The following ABLIM1 variants were observed in gnomAD, a reference collection of about 807,000 sequenced individuals.
ABLIM1 encodes actin binding LIM protein 1.
A neutral mutation model predicts 107.0 loss-of-function variants in ABLIM1; 40 were observed. The ratio of observed to expected loss-of-function variants is 0.37; its 90% CI spans 0.29 to 0.49. The LOEUF is 0.49. Ranked by LOEUF, ABLIM1 falls within the 20% of genes least tolerant of loss-of-function variation. ABLIM1 has a pLI of 0.97. For synonymous variants in ABLIM1, 357 were observed against 357.3 expected, an observed-to-expected ratio of 1.00 and a Z score of 0.01; for missense variants, 857 against 1,008.5, an observed-to-expected ratio of 0.85 and a Z score of 2.04.
chr10:114,563,085 A>G (rs1013555170), intron 4 of ABLIM1, among the ~76,000 whole-genome samples: 2 of 152,228 alleles, frequency 1.3e-5, no homozygotes, highest in African/African-American at 2.4e-5. Context: ...TGATTTTGGA[A>G]AAGAAGACAT....
intron 19 of ABLIM1, among the ~76,000 whole-genome samples, chr10:114,440,512 C>T (rs2060035053): frequency 6.6e-6 from 1 of 151,922 alleles, no homozygotes; most frequent in Admixed American, 6.6e-5. Flanking sequence ...GTGGCATGAA[C>T]ATAGCTCACT....
chr10:114,759,429 TCC>T (rs1432110431), intron 1 of ABLIM1, among the ~76,000 whole-genome samples: 1 of 152,176 alleles, frequency 6.6e-6, no homozygotes, highest in Non-Finnish European at 1.5e-5. Flanking sequence ...ACTAAGCATT[TCC>T]TTCCCATGAT....
intron 1 of ABLIM1, among the ~76,000 whole-genome samples, chr10:114,675,997 A>G (rs1396202930): frequency 1.3e-5 from 2 of 152,128 alleles, no homozygotes; most frequent in African/African-American, 4.8e-5. Context: ...TCATGACCTC[A>G]TCTTAACTTG....
intron 1 of ABLIM1, among the ~76,000 whole-genome samples, chr10:114,652,199 A>G (rs1423564197): frequency 6.6e-6 from 1 of 152,216 alleles, no homozygotes; most frequent in Non-Finnish European, 1.5e-5. Context: ...AAAGCTCCAC[A>G]GCATCTTGAA....
chr10:114,512,563 G>C (rs191403536), intron 6 of ABLIM1, among the ~76,000 whole-genome samples: 2 of 147,878 alleles, frequency 1.4e-5, no homozygotes, highest in Non-Finnish European at 3.0e-5. Context: ...GGTGGCTCAC[G>C]CCTGTAATCC....
chr10:114,707,046 T>C lies in ABLIM1; in HGVS notation c.-213+61015A>G, dbSNP rs1355975631. 2.0e-5 allele frequency among the ~76,000 whole-genome samples: 3 copies of C among 152,232 alleles called. No homozygotes were observed. Among genetic ancestry groups the C allele is most frequent in the African/African-American group, 7.2e-5 (3 of 41,462 alleles). On this transcript the variant is annotated intron_variant, in intron 1 of 15. Coordinates refer to the ABLIM1 transcript ENST00000651092. This position sits in a 1 kb window ranked among gnomAD's most constrained non-coding sequence, Gnocchi z 4.1. ...ATGTAATTTAAATTTGTCTAGTAACTACATTAGAAAGGTAAAAAGAAACAG... is the reference window on the plus strand; with the variant it reads ...ATGTAATTTAAATTTGTCTAGTAACCACATTAGAAAGGTAAAAAGAAACAG...
intron 12 of ABLIM1, among the ~76,000 whole-genome samples, chr10:114,457,403 G>T (rs1456747703): frequency 9.9e-5 from 15 of 152,022 alleles, no homozygotes. Flanking sequence ...CCAAGTAGCT[G>T]GGATTACAGA....
chr10:114,744,150 A>C (rs2082338924), intron 1 of ABLIM1, among the ~76,000 whole-genome samples: 1 of 152,236 alleles, frequency 6.6e-6, no homozygotes, highest in Admixed American at 6.5e-5. Context: ...TCTAGGGAGA[A>C]GGCAATATAA....
At chr10:114,783,061 C>G in the ABLIM1 span, among the ~76,000 whole-genome samples, 1 of 151,944 alleles carries the variant, frequency 6.6e-6, no homozygotes, top group African/African-American at 2.4e-5. Flanking sequence ...GCAGATGGAT[C>G]ACTTGATGTC....
chr10:114,603,704 A>C (rs2076205569), intron 1 of ABLIM1, among the ~76,000 whole-genome samples: 1 of 151,844 alleles, frequency 6.6e-6, no homozygotes, highest in Non-Finnish European at 1.5e-5. Flanking sequence ...CTGTAATCCC[A>C]GCACTTTGGG....
At chr10:114,506,515 C>T (rs2061167193) in intron 6 of ABLIM1, among the ~76,000 whole-genome samples, 1 of 152,154 alleles carries the variant, frequency 6.6e-6, no homozygotes, top group African/African-American at 2.4e-5. Flanking sequence ...CTCAACTTCA[C>T]CAACATCTGT....
chr10:114,797,248 G>T, the ABLIM1 span, among the ~76,000 whole-genome samples: 1 of 152,112 alleles, frequency 6.6e-6, no homozygotes, highest in Non-Finnish European at 1.5e-5. Context: ...CATCACTTGA[G>T]CCACTTTCTG....
intron 6 of ABLIM1, among the ~76,000 whole-genome samples, chr10:114,540,045 A>G (rs2066473796): frequency 6.6e-6 from 1 of 152,230 alleles, no homozygotes. Flanking sequence ...TAATCAGCAG[A>G]AGCATTTGAA....
intron 1 of ABLIM1, among the ~76,000 whole-genome samples, chr10:114,622,201 T>C (rs1417809983): frequency 2.0e-5 from 3 of 151,930 alleles, no homozygotes; most frequent in Non-Finnish European, 2.9e-5. Context: ...GATACTCCAA[T>C]GAGGAACAAC....
the ABLIM1 span, among the ~76,000 whole-genome samples, chr10:114,788,202 C>T: frequency 2.0e-5 from 3 of 150,402 alleles, no homozygotes; most frequent in Non-Finnish European, 4.5e-5. Context: ...CGGAAGGCTG[C>T]AGGGTCCTCT....
chr10:114,435,492 T>G lies in ABLIM1; in HGVS notation c.*768A>C, dbSNP rs1043673541. ...GTGGAGCTCCAGACAGCTCCTGTCC[T>G]AGGCGGGGAGCAGGAACCAGACCTG... is the stretch of plus-strand genomic sequence containing the variant. On this transcript the variant is annotated 3_prime_UTR_variant, in exon 23 of 23. Transcript: ENST00000533213. 2 of 152,224 alleles carry G rather than the reference T, an allele frequency of 1.3e-5. No homozygotes were observed. The highest frequency in any genetic ancestry group is 6.5e-5 in the Admixed American group (1 of 15,280). 9.4% of individuals were successfully genotyped at this position (152,224 alleles called of 1,614,324 possible).
At chr10:114,739,535 A>T (rs1217642664) in intron 1 of ABLIM1, among the ~76,000 whole-genome samples, 2 of 152,214 alleles carry the variant, frequency 1.3e-5, no homozygotes, top group South Asian at 4.1e-4. Context: ...GTTTGAAAGT[A>T]TTAATTCTGG....
intron 1 of ABLIM1, among the ~76,000 whole-genome samples, chr10:114,638,094 G>C (rs1437113521): frequency 6.6e-6 from 1 of 152,178 alleles, no homozygotes; most frequent in East Asian, 1.9e-4. Context: ...CTCTCTGAGG[G>C]AAAGGGTCAC....
intron 10 of ABLIM1, among the ~76,000 whole-genome samples, chr10:114,471,615 T>C (rs1367424549): frequency 1.3e-5 from 2 of 152,098 alleles, no homozygotes; most frequent in Non-Finnish European, 2.9e-5. Flanking sequence ...CGCAGAGCTA[T>C]GCTCTGGAAT....
Sources: gnomAD v4.1 joint callset for allele counts (sites outside exome capture counted in the v4.1 genomes callset) on GRCh38, gnomAD v4.1.1 for gene constraint, Gnocchi (gnomAD v3.1) non-coding constraint, MANE v1.5 for transcripts, NCBI Gene and HGNC (gene_info 2026-07-23, HGNC 2026-07-21) for gene names.